ELMOD3: variants seen among roughly 807,000 people sequenced by gnomAD.
The protein encoded by ELMOD3 is ELMO domain containing 3, also known as ELMO domain-containing protein 3.
In ELMOD3, 36 loss-of-function variants were observed where a neutral mutation model predicts 47.4. The observed-to-expected ratio is 0.76, with a 90% CI of 0.58 to 1.00. ELMOD3 has a LOEUF of 1.00. Ranked by LOEUF, ELMOD3 falls within the 50% of genes least tolerant of loss-of-function variation. ELMOD3 has a pLI of 0.00. For synonymous variants in ELMOD3, 149 were observed against 183.5 expected (o/e 0.81, Z 1.52); for missense variants, 404 against 463.8 (o/e 0.87, Z 1.18).
chr2:85,380,434 A>G lies in ELMOD3; in HGVS notation c.738+2960A>G, dbSNP rs1164804768. Among the ~76,000 whole-genome samples the G allele has an allele frequency of 2.0e-5, 3 of 152,246 alleles. No homozygotes were observed. In the East Asian group the frequency reaches 5.8e-4, roughly 29 times the overall value. On this transcript the variant is annotated intron_variant, in intron 11 of 13. Transcript: ENST00000409013. Reference sequence around the variant, plus strand: ...AACATTTTAGCTCTCCATGAGTCTGAAAGTTTTTCCTCTATTCTGATGTCA... The same window carrying G: ...AACATTTTAGCTCTCCATGAGTCTGGAAGTTTTTCCTCTATTCTGATGTCA...
At chr2:85,362,059 C>G in intron 4 of ELMOD3, 127 bp from the exon 5 acceptor site, 2 of 643,236 alleles carry the variant, frequency 3.1e-6, no homozygotes, top group Non-Finnish European at 5.5e-6. Context: ...CCAAGTTTCC[C>G]TATGTAACAA....
At chr2:85,368,101 G>A (rs989924843) in intron 6 of ELMOD3, among the ~76,000 whole-genome samples, 2 of 152,032 alleles carry the variant, frequency 1.3e-5, no homozygotes, top group Non-Finnish European at 2.9e-5. Flanking sequence ...TAGTAGAGAC[G>A]GGGTTTCACT....
chr2:85,370,465 A>G (rs1684715068), intron 8 of ELMOD3, among the ~76,000 whole-genome samples: 1 of 152,032 alleles, frequency 6.6e-6, no homozygotes, highest in Admixed American at 6.5e-5. Flanking sequence ...ATATTGAGTA[A>G]CAATACGTTT....
At chr2:85,390,550 G>A (rs1686277607) in intron 13 of ELMOD3, 2 of 1,568,276 alleles carry the variant, frequency 1.3e-6, no homozygotes, top group African/African-American at 2.7e-5. Context: ...AGTTGCAATT[G>A]TGCAGACAAG....
chr2:85,389,230 C>G (rs1363989029), intron 11 of ELMOD3, among the ~76,000 whole-genome samples: 1 of 152,206 alleles, frequency 6.6e-6, no homozygotes, highest in African/African-American at 2.4e-5. Flanking sequence ...GGGTGTCCCC[C>G]CAAGTCAGGA....
At position 85,362,137 on chromosome 2, in the gene ELMOD3, T is replaced by C. The variant is rs748454188; in HGVS notation, c.55-49T>C. On this transcript the variant is annotated intron_variant, in intron 4 of 13. Transcript: ENST00000409013. ...AAGTATGACATTTAAACTATTATCT[T>C]TGGGGGATTAATATGTGCCTAGGAG... The C allele has an allele frequency of 2.7e-6, 3 of 1,115,980 alleles. No homozygotes were observed. The Admixed American group carries it at 5.2e-5, about 19-fold the overall frequency. The allele number at this position is 1,115,980 out of a possible 1,614,324, so 69.1% of individuals were successfully genotyped here.
intron 6 of ELMOD3, among the ~76,000 whole-genome samples, chr2:85,364,470 G>T (rs1684207607): frequency 6.6e-6 from 1 of 151,702 alleles, no homozygotes; most frequent in Admixed American, 6.6e-5. Context: ...TGTAATCCCA[G>T]CTACTCAGCA....
chr2:85,357,278 A>G (rs781046969), intron 4 of ELMOD3, 26 bp downstream of exon 4: 60 of 1,519,820 alleles, frequency 3.9e-5, no homozygotes, highest in Non-Finnish European at 5.4e-5. Context: ...TATTTGGGAA[A>G]GGTGGTGTTG....
At chr2:85,389,703 C>A in intron 11 of ELMOD3, 48 bp from the exon 12 acceptor site, 1 of 1,547,768 alleles carries the variant, frequency 6.5e-7, no homozygotes, top group Non-Finnish European at 8.9e-7. Flanking sequence ...TGACAGGAAA[C>A]ACAGTGAGAG....
chr2:85,364,825 A>ATATATATATATATATATTTTTT (rs375582916), intron 6 of ELMOD3, among the ~76,000 whole-genome samples: 1 of 69,892 alleles, frequency 1.4e-5, no homozygotes, highest in African/African-American at 6.7e-5. Context: ...ATATATATAT[A>ATATATATATATATATATTTTTT]TTTTTTTTTT....
At chr2:85,389,494 G>A (rs1686173761) in intron 11 of ELMOD3, 2 of 548,210 alleles carry the variant, frequency 3.6e-6, no homozygotes, top group African/African-American at 1.9e-5. Flanking sequence ...CGGGGGTTAT[G>A]CACATCAGCT....
intron 5 of ELMOD3, 88 bp from the exon 6 acceptor site, chr2:85,363,009 G>A: frequency 1.2e-6 from 1 of 803,902 alleles, no homozygotes; most frequent in Admixed American, 2.1e-5. Context: ...CCAGTGTCAA[G>A]GACATTCAGT....
rs1686365039 is a variant in ELMOD3 at position 85,391,652 on chromosome 2, C to G, written c.*690C>G. The G allele has an allele frequency of 6.5e-6, 1 of 152,780 alleles. No individual in the cohort carries two copies. The highest frequency in any genetic ancestry group is 2.1e-4 in the South Asian group (1 of 4,836). 9.5% of individuals were successfully genotyped at this position (152,780 alleles called of 1,614,324 possible). ...AGCCCCCACAAGCTGGGGCTTCCTC[C>G]TGTAGATGCTGTGCATGCCCCATGA... On this transcript the variant is annotated 3_prime_UTR_variant, in exon 14 of 14. Transcript: ENST00000409013.
intron 3 of ELMOD3, chr2:85,355,991 C>T (rs1402812191): frequency 7.4e-6 from 1 of 134,506 alleles, no homozygotes; most frequent in African/African-American, 3.0e-5. Context: ...GAGAGGCTAC[C>T]CTCCTTCCTT....
At chr2:85,363,070 C>T in intron 5 of ELMOD3, 27 bp from the exon 6 acceptor site, 1 of 1,502,048 alleles carries the variant, frequency 6.7e-7, no homozygotes, top group Non-Finnish European at 9.3e-7. Context: ...ATTCTATCCT[C>T]AAGCTAAAGG....
chr2:85,364,825 A>ATATATATATATATATTTTTTTTTTT (rs375582916), intron 6 of ELMOD3, among the ~76,000 whole-genome samples: 2 of 69,894 alleles, frequency 2.9e-5, no homozygotes, highest in African/African-American at 1.3e-4. Flanking sequence ...ATATATATAT[A>ATATATATATATATATTTTTTTTTTT]TTTTTTTTTT....
chr2:85,381,363 C>T (rs1685526197), intron 11 of ELMOD3, among the ~76,000 whole-genome samples: 1 of 152,188 alleles, frequency 6.6e-6, no homozygotes, highest in African/African-American at 2.4e-5. Flanking sequence ...GTGAAAATCT[C>T]CATTCCTTGA....
In ELMOD3 at chr2:85,390,150, G is replaced by T; in HGVS notation, c.828G>T (p.Arg276=). 6.2e-7 allele frequency: 1 copy of T among 1,614,098 alleles called. No individual in the cohort carries two copies. Among genetic ancestry groups the T allele is most frequent in the Non-Finnish European group, 8.5e-7 (1 of 1,179,936 alleles). Residue 276 remains arginine, a synonymous_variant, in exon 13 of 14, where the codon CGG becomes CGT. Transcript: ENST00000409013. ...CTTTTTCCTGCAGAGAGTGTAATCG[G>T]CAGCAGAAGGTCATCCCCGTGGTGA... ...REECLSRECN[R]QQKVIPVVNS... is the part of the protein sequence containing the mutation.
intron 4 of ELMOD3, among the ~76,000 whole-genome samples, chr2:85,360,384 C>T (rs1683872603): frequency 6.8e-6 from 1 of 147,018 alleles, no homozygotes; most frequent in Admixed American, 6.8e-5. Flanking sequence ...GATGGAGTCT[C>T]ACTCTGTTGC....
Sources: allele counts gnomAD v4.1 joint callset (sites outside exome capture counted in the v4.1 genomes callset), GRCh38; gene constraint gnomAD v4.1.1; transcripts MANE v1.5; gene names NCBI Gene and HGNC (gene_info 2026-07-23, HGNC 2026-07-21).